Variants in MAD1L1 observed in about 807,000 individuals in gnomAD.
MAD1L1 encodes the protein mitotic arrest deficient 1 like 1.
In MAD1L1, 95 loss-of-function variants were observed where a neutral mutation model predicts 96.9. The observed-to-expected ratio is 0.98, with a 90% CI of 0.83 to 1.16. The LOEUF (loss-of-function observed/expected upper bound fraction) is 1.16, where lower values mean the gene tolerates loss of function less well. MAD1L1 is among the 50% of genes most tolerant of loss of function. The probability of loss-of-function intolerance (pLI) is 0.00; values close to 1 mark genes in which losing one functional copy is unlikely to be tolerated. For synonymous variants in MAD1L1, 473 were observed against 396.6 expected (o/e 1.19, Z -2.29); for missense variants, 1,007 against 954.4 (o/e 1.06, Z -0.73).
Position 1,854,312 on chromosome 7 carries a change from C to T in MAD1L1, c.1999-38084G>A, listed in dbSNP as rs1198906142. ...TGCCCCAGCCCCAGCAGCGAGCGGA[C>T]GTCCTGGGCCCCGGCAGCTCGTCCC... On this transcript the variant is annotated intron_variant, in intron 18 of 18. Transcript: ENST00000265854. 27 of 452,812 alleles carry T rather than the reference C, an allele frequency of 6.0e-5. 1 individual carries two copies. Among genetic ancestry groups the T allele is most frequent in the East Asian group, 2.8e-4 (4 of 14,348 alleles). The allele number at this position is 452,812 out of a possible 1,614,324, so 28.0% of individuals were successfully genotyped here. A position where few individuals can be genotyped will look rare whatever the true frequency, so the allele number is the denominator to read the frequency against.
At chr7:2,016,616 C>A (rs757980199) in intron 12 of MAD1L1, among the ~76,000 whole-genome samples, 1 of 152,214 alleles carries the variant, frequency 6.6e-6, no homozygotes, top group African/African-American at 2.4e-5. Flanking sequence ...GCTGCAGGGG[C>A]TCAGGAAACC....
At chr7:1,947,563 G>A (rs896860101) in intron 16 of MAD1L1, among the ~76,000 whole-genome samples, 3 of 128,174 alleles carry the variant, frequency 2.3e-5, no homozygotes, top group African/African-American at 5.9e-5. Context: ...GCAGAGGCCC[G>A]GCCTTCCCAT....
chr7:2,189,303 C>G (rs191273795), intron 10 of MAD1L1, among the ~76,000 whole-genome samples: 1 of 152,334 alleles, frequency 6.6e-6, no homozygotes, highest in African/African-American at 2.4e-5. Context: ...CAGGATCCAG[C>G]AGGTTGAAAG....
chr7:2,232,689 G>A (rs1411992868), intron 1 of MAD1L1, among the ~76,000 whole-genome samples, 183 bp downstream of exon 1: 4 of 152,162 alleles, frequency 2.6e-5, no homozygotes, highest in Non-Finnish European at 5.9e-5. Context: ...GGAGGGGAGA[G>A]CACAGAGAGG....
chr7:2,073,604 A>G (rs1584256445), intron 11 of MAD1L1, among the ~76,000 whole-genome samples: 1 of 152,180 alleles, frequency 6.6e-6, no homozygotes, highest in East Asian at 1.9e-4. Flanking sequence ...TCTGGCTGTC[A>G]AGCATCGAGC....
At chr7:1,875,225 C>T (rs1327413662) in intron 18 of MAD1L1, among the ~76,000 whole-genome samples, 2 of 152,234 alleles carry the variant, frequency 1.3e-5, no homozygotes, top group African/African-American at 2.4e-5. Flanking sequence ...GCTGCCCTGC[C>T]CGCCCCCACG....
intron 10 of MAD1L1, among the ~76,000 whole-genome samples, chr7:2,161,499 G>C (rs190725359): frequency 3.3e-5 from 5 of 152,100 alleles, no homozygotes; most frequent in African/African-American, 1.2e-4. Flanking sequence ...CCAAAGTGCC[G>C]AGATTGCAGC....
At chr7:2,130,943 T>G (rs1350964120) in intron 11 of MAD1L1, among the ~76,000 whole-genome samples, 1 of 152,256 alleles carries the variant, frequency 6.6e-6, no homozygotes, top group African/African-American at 2.4e-5. Flanking sequence ...TGCTGAGATC[T>G]GCTAAGCTTC....
chr7:2,056,364 C>A (rs61154218), intron 12 of MAD1L1, among the ~76,000 whole-genome samples: 2 of 152,130 alleles, frequency 1.3e-5, no homozygotes, highest in African/African-American at 2.4e-5. Context: ...ATGGGGCTCG[C>A]GCAGGCTCTT....
intron 10 of MAD1L1, among the ~76,000 whole-genome samples, chr7:2,168,010 C>T (rs1300675085): frequency 1.3e-5 from 2 of 152,192 alleles, no homozygotes; most frequent in Non-Finnish European, 2.9e-5. Context: ...ATTGGACGGG[C>T]ATGGTGGCTC....
chr7:2,219,546 C>A, intron 5 of MAD1L1, 90 bp from the exon 6 acceptor site: 1 of 1,413,602 alleles, frequency 7.1e-7, no homozygotes, highest in South Asian at 1.3e-5. Flanking sequence ...AGTGGAGAGG[C>A]GACACCACCC....
chr7:2,223,500 T>C (rs1793721450), intron 4 of MAD1L1: 1 of 152,244 alleles, frequency 6.6e-6, no homozygotes, highest in African/African-American at 2.4e-5. Flanking sequence ...CACCCTGCCT[T>C]CCTCGGGAAG....
At chr7:2,210,549 G>C (rs950343226) in intron 10 of MAD1L1, among the ~76,000 whole-genome samples, 1 of 144,136 alleles carries the variant, frequency 6.9e-6, no homozygotes, top group Non-Finnish European at 1.5e-5. Flanking sequence ...GACTCTCTAG[G>C]AGCCGTATTC....
chr7:2,060,735 G>C (rs1213598710), intron 12 of MAD1L1, among the ~76,000 whole-genome samples: 2 of 152,234 alleles, frequency 1.3e-5, no homozygotes, highest in South Asian at 2.1e-4. Context: ...CCTTGCAATA[G>C]AGGCTGCCAG....
chr7:1,862,493 TC>T (rs1784580712), intron 18 of MAD1L1, among the ~76,000 whole-genome samples: 1 of 152,148 alleles, frequency 6.6e-6, no homozygotes, highest in Non-Finnish European at 1.5e-5. Flanking sequence ...CCGACCTGGA[TC>T]CCTCCCTCCC....
At chr7:1,828,313 G>C (rs1207314716) in intron 18 of MAD1L1, among the ~76,000 whole-genome samples, 1 of 152,208 alleles carries the variant, frequency 6.6e-6, no homozygotes, top group Non-Finnish European at 1.5e-5. Context: ...GCAGGGCCTC[G>C]CGGGACCCGA....
At chr7:1,846,687 T>G (rs1394433151) in intron 18 of MAD1L1, 1 of 160,534 alleles carries the variant, frequency 6.2e-6, no homozygotes, top group Non-Finnish European at 1.4e-5. Context: ...TTTGCATTTC[T>G]GTTGTTCCCA....
chr7:2,039,184 T>A (rs980305316), intron 12 of MAD1L1, among the ~76,000 whole-genome samples: 34 of 152,206 alleles, frequency 2.2e-4, no homozygotes, highest in African/African-American at 8.2e-4. Flanking sequence ...TCTATTCAAG[T>A]ATGTTTATCC....
At chr7:2,012,589 C>T (rs1392353778) in intron 13 of MAD1L1, among the ~76,000 whole-genome samples, 1 of 152,122 alleles carries the variant, frequency 6.6e-6, no homozygotes, top group Non-Finnish European at 1.5e-5. Flanking sequence ...AAGCCAGGAG[C>T]GGGAGGAAGG....
Sources: allele counts gnomAD v4.1 joint callset (sites outside exome capture counted in the v4.1 genomes callset), GRCh38; gene constraint gnomAD v4.1.1; transcripts MANE v1.5; gene names NCBI Gene and HGNC (gene_info 2026-07-23, HGNC 2026-07-21).